Variants in MAGI2 observed in about 807,000 individuals in gnomAD.
MAGI2 encodes the protein membrane-associated guanylate kinase, WW and PDZ domain-containing protein 2.
In MAGI2, 35 loss-of-function variants were observed where a neutral mutation model predicts 133.3. The observed-to-expected ratio is 0.26, with a 90% CI of 0.20 to 0.35. The LOEUF is 0.35. Among genes scored for constraint, MAGI2 ranks in the 10% least tolerant of loss-of-function variants. The probability of loss-of-function intolerance (pLI) is 1.00; values close to 1 mark genes in which losing one functional copy is unlikely to be tolerated. For missense variants in MAGI2, 1,636 were observed against 1,863.4 expected, an observed-to-expected ratio of 0.88 and a Z score of 2.25; for synonymous variants, 729 against 710.6, an observed-to-expected ratio of 1.03 and a Z score of -0.41.
In MAGI2 at chr7:78,880,911, G is replaced by T. The variant is rs1192998366; in HGVS notation, c.418+126179C>A. ...TACAAAAACAGAAAAGATAAAAAGAGCAGAGGTCACTATTAATCGGAAAAA... is the reference window on the plus strand; with the variant it reads ...TACAAAAACAGAAAAGATAAAAAGATCAGAGGTCACTATTAATCGGAAAAA... On this transcript the variant is annotated intron_variant, in intron 2 of 21. Coordinates refer to ENST00000354212, the MANE Select transcript of MAGI2 (RefSeq NM_012301.4). Among the ~76,000 whole-genome samples the T allele has an allele frequency of 3.9e-5, 6 of 152,098 alleles. No individual in the cohort carries two copies. The East Asian group carries it at 9.6e-4, about 24-fold the overall frequency.
chr7:78,637,051 C>A (rs1193976069), intron 2 of MAGI2, among the ~76,000 whole-genome samples: 1 of 152,094 alleles, frequency 6.6e-6, no homozygotes, highest in Non-Finnish European at 1.5e-5. Context: ...GCTCAGGGAA[C>A]CCAAAATAAA....
intron 3 of MAGI2, among the ~76,000 whole-genome samples, chr7:78,611,686 C>T (rs945518256): frequency 2.0e-5 from 3 of 152,206 alleles, no homozygotes; most frequent in Non-Finnish European, 4.4e-5. Flanking sequence ...ACAACACACA[C>T]GTACAGCCTG....
rs938706947 is a variant in MAGI2 at position 78,303,906 on chromosome 7, A to G, written c.1408+39872T>C. Among the ~76,000 whole-genome samples the G allele has an allele frequency of 1.2e-4, 18 of 152,254 alleles. 1 individual carries two copies. The highest frequency in any genetic ancestry group is 1.1e-3 in the Admixed American group (17 of 15,294). On this transcript the variant is annotated intron_variant, in intron 9 of 21. Transcript: ENST00000354212. ...ACTCACTATCTTCACTTAGATATTG[A>G]ATAGGCATTTAAAATTTTATCATCT...
chr7:78,328,044 C>T (rs538290272), intron 9 of MAGI2, among the ~76,000 whole-genome samples: 2 of 152,258 alleles, frequency 1.3e-5, no homozygotes, highest in African/African-American at 4.8e-5. Context: ...TCATTTCTGC[C>T]AGAGGCACAG....
At chr7:79,249,452 G>T (rs1329672990) in intron 1 of MAGI2, among the ~76,000 whole-genome samples, 1 of 151,610 alleles carries the variant, frequency 6.6e-6, no homozygotes, top group African/African-American at 2.4e-5. Flanking sequence ...TAAAATCCAG[G>T]TTAATAAAAA....
At chr7:79,115,854 GTTTTTTTTTTTTTT>G (rs59398227) in intron 1 of MAGI2, among the ~76,000 whole-genome samples, 2 of 93,946 alleles carry the variant, frequency 2.1e-5, no homozygotes, top group South Asian at 4.6e-4. Flanking sequence ...ATGTTTTAAA[GTTTTTTTTTTTTTT>G]TTTTTTTTTT....
At chr7:78,677,939 G>A (rs899931058) in intron 2 of MAGI2, among the ~76,000 whole-genome samples, 1 of 152,086 alleles carries the variant, frequency 6.6e-6, no homozygotes, top group Non-Finnish European at 1.5e-5. Flanking sequence ...CCAAAAAACA[G>A]AACCAAAATC....
At chr7:78,648,866 T>C (rs1310475645) in intron 2 of MAGI2, among the ~76,000 whole-genome samples, 2 of 152,188 alleles carry the variant, frequency 1.3e-5, no homozygotes, top group Non-Finnish European at 2.9e-5. Context: ...ATCTGCTCTA[T>C]AGTTTTAACT....
intron 3 of MAGI2, among the ~76,000 whole-genome samples, chr7:78,523,326 G>A (rs1796669927): frequency 1.3e-5 from 2 of 151,824 alleles, no homozygotes; most frequent in Admixed American, 6.6e-5. Context: ...TATATAAGAT[G>A]GCTAGTTGAG....
intron 2 of MAGI2, among the ~76,000 whole-genome samples, chr7:78,880,639 C>A (rs1795770843): frequency 6.6e-6 from 1 of 152,186 alleles, no homozygotes; most frequent in Non-Finnish European, 1.5e-5. Context: ...AGTCCATACT[C>A]TATAGTCTCT....
chr7:79,083,007 C>G (rs1816178159), intron 1 of MAGI2, among the ~76,000 whole-genome samples: 2 of 151,398 alleles, frequency 1.3e-5, no homozygotes, highest in Non-Finnish European at 3.0e-5. Context: ...TATAAAAATA[C>G]AAATGATTTT....
chr7:79,446,027 G>A (rs1256664898), intron 1 of MAGI2, among the ~76,000 whole-genome samples: 4 of 152,192 alleles, frequency 2.6e-5, no homozygotes, highest in African/African-American at 9.7e-5. Context: ...GGACATGGGT[G>A]AAGCTGGAAA....
At position 78,422,001 on chromosome 7, in the gene MAGI2, G is replaced by C. The variant is rs543807611; in HGVS notation, c.1046-52788C>G. Among the ~76,000 whole-genome samples, 3 of 152,242 alleles carry C rather than the reference G, an allele frequency of 2.0e-5. No individual in the cohort carries two copies. In the South Asian group the frequency reaches 6.2e-4, roughly 32 times the overall value. ...TACTGAAAGTGGGAAATTTCAAAAG[G>C]ATATTTGAATGGGAAGAAATATGTT... is the stretch of plus-strand genomic sequence containing the variant. On this transcript the variant is annotated intron_variant, in intron 6 of 21. Transcript: ENST00000354212.
chr7:78,326,794 C>T (rs533879580), intron 9 of MAGI2, among the ~76,000 whole-genome samples: 1 of 152,286 alleles, frequency 6.6e-6, no homozygotes, highest in Non-Finnish European at 1.5e-5. Context: ...AGCCCCAACA[C>T]CAAACTTGAT....
chr7:79,265,002 C>A (rs561781361), intron 1 of MAGI2, among the ~76,000 whole-genome samples: 112 of 152,222 alleles, frequency 7.4e-4, no homozygotes, highest in African/African-American at 2.6e-3. Context: ...CATGACCCCA[C>A]CACCTCCCAC....
intron 3 of MAGI2, among the ~76,000 whole-genome samples, chr7:78,559,777 G>A (rs537333411): frequency 1.3e-5 from 2 of 152,230 alleles, no homozygotes; most frequent in Admixed American, 6.6e-5. Context: ...CCTGCCTTGA[G>A]AAGTGTTTAA....
At chr7:78,105,945 A>G (rs1818641170) in intron 20 of MAGI2, among the ~76,000 whole-genome samples, 1 of 152,002 alleles carries the variant, frequency 6.6e-6, no homozygotes. Context: ...CAAATACTAG[A>G]TCTTCATCAT....
intron 2 of MAGI2, among the ~76,000 whole-genome samples, chr7:78,756,337 A>G (rs1823944277): frequency 6.6e-6 from 1 of 152,240 alleles, no homozygotes; most frequent in South Asian, 2.1e-4. Flanking sequence ...AAACTCAAGC[A>G]TCAGTCTGGT....
At chr7:78,521,309 A>G in intron 4 of MAGI2, 121 bp downstream of exon 4, 2 of 586,662 alleles carry the variant, frequency 3.4e-6, no homozygotes, top group Non-Finnish European at 5.9e-6. Flanking sequence ...TAAGAAATAT[A>G]TATGTATATA....
Sources: allele counts gnomAD v4.1 joint callset (sites outside exome capture counted in the v4.1 genomes callset), GRCh38; gene constraint gnomAD v4.1.1; transcripts MANE v1.5; gene names NCBI Gene and HGNC (gene_info 2026-07-23, HGNC 2026-07-21).